GRM4: variants seen among roughly 807,000 people sequenced by gnomAD.
The protein encoded by GRM4 is glutamate metabotropic receptor 4, also known as metabotropic glutamate receptor 4.
In GRM4, 28 loss-of-function variants were observed where a neutral mutation model predicts 81.7. The ratio of observed to expected loss-of-function variants is 0.34; its 90% CI spans 0.25 to 0.47. The LOEUF (loss-of-function observed/expected upper bound fraction) is 0.47, where lower values mean the gene tolerates loss of function less well. GRM4 is among the 20% of genes least tolerant of loss of function. GRM4 has a pLI of 1.00. For synonymous variants in GRM4, 488 were observed against 528.8 expected, an observed-to-expected ratio of 0.92 and a Z score of 1.06; for missense variants, 948 against 1,290.0, an observed-to-expected ratio of 0.73 and a Z score of 4.06.
chr6:34,069,396 G>T lies in GRM4; in HGVS notation c.737-7368C>A, dbSNP rs556887088. 2.0e-5 allele frequency among the ~76,000 whole-genome samples: 3 copies of T among 152,140 alleles called. No individual in the cohort carries two copies. Among genetic ancestry groups the T allele is most frequent in the African/African-American group, 7.2e-5 (3 of 41,424 alleles). ...GGCAGCAGTGTTGTGGCCAGAGGGG[G>T]TTTCAAGGTAAGAAGGACACCAGGC... On this transcript the variant is annotated intron_variant, in intron 3 of 10. Transcript: ENST00000538487. The surrounding 1 kb of genome is among the most constrained non-coding windows in gnomAD (Gnocchi z 6.4).
Position 34,028,178 on chromosome 6 carries a change from G to A in GRM4, c.2631C>T (p.Gly877=), listed in dbSNP as rs966474721. The change falls in exon 10 of 11, where the codon GGC becomes GGT. Residue 877 remains glycine (G), a synonymous_variant. Coordinates refer to ENST00000538487, the MANE Select transcript of GRM4 (RefSeq NM_000841.4). ...TGGCCTCTCCGTTGGGCCGGAAGTT[G>A]CCCTTCTGCGTGAACTTGTTGGACA... ...ATMSNKFTQK[G]NFRPNGEAKS... 34 of 1,613,904 alleles carry A rather than the reference G, an allele frequency of 2.1e-5. No individual in the cohort carries two copies. The highest frequency in any genetic ancestry group is 8.3e-5 in the Admixed American group (5 of 60,012).
At chr6:34,032,159 C>G (rs1562010103) in intron 9 of GRM4, among the ~76,000 whole-genome samples, 1 of 152,180 alleles carries the variant, frequency 6.6e-6, no homozygotes, top group Non-Finnish European at 1.5e-5. Flanking sequence ...CACATCCATA[C>G]ACACACCAGC....
chr6:34,082,480 G>A (rs1417798962), intron 3 of GRM4, among the ~76,000 whole-genome samples: 2 of 152,106 alleles, frequency 1.3e-5, no homozygotes, highest in African/African-American at 2.4e-5. Flanking sequence ...CTGTGTTGTG[G>A]GGGACTCAGA....
chr6:34,104,714 GT>G (rs1292411621), intron 2 of GRM4, among the ~76,000 whole-genome samples: 1 of 152,152 alleles, frequency 6.6e-6, no homozygotes, highest in Non-Finnish European at 1.5e-5. Flanking sequence ...GAGAGTCCCT[GT>G]TCCAGGTGTT....
At chr6:34,061,381 G>C (rs1184372431) in intron 4 of GRM4, 1 of 152,786 alleles carries the variant, frequency 6.5e-6, no homozygotes, top group East Asian at 1.9e-4. Context: ...ACCACAGAAA[G>C]GAGGGAGGGG....
intron 2 of GRM4, among the ~76,000 whole-genome samples, chr6:34,095,966 G>A (rs772415956): frequency 1.2e-4 from 19 of 152,184 alleles, no homozygotes; most frequent in Admixed American, 4.6e-4. Flanking sequence ...AGCCCAGCCC[G>A]AGCAGGAGGG....
At chr6:34,052,400 T>C (rs1040336771) in intron 6 of GRM4, among the ~76,000 whole-genome samples, 1 of 152,202 alleles carries the variant, frequency 6.6e-6, no homozygotes, top group African/African-American at 2.4e-5. Flanking sequence ...TCAGACAGCA[T>C]TGAAGGATGA....
intron 3 of GRM4, among the ~76,000 whole-genome samples, chr6:34,067,132 A>G (rs1766508124): frequency 6.6e-6 from 1 of 152,136 alleles, no homozygotes; most frequent in South Asian, 2.1e-4. Flanking sequence ...CCCAGGCTTC[A>G]GGCATCCCCA....
At position 34,056,499 on chromosome 6, in the gene GRM4, G is replaced by A. The variant is rs375339329; in HGVS notation, c.1168+45C>T. The A allele has an allele frequency of 5.1e-6, 8 of 1,556,152 alleles. No individual in the cohort carries two copies. In the African/African-American group the frequency reaches 5.4e-5, roughly 11 times the overall value. ...AGGCCCCCAGGCTCGGCCCTCCCCG[G>A]CTCCTCCTAGAGCCCGCCCGGCCCT... On this transcript the variant is annotated intron_variant, in intron 6 of 10. Coordinates refer to ENST00000538487, the MANE Select transcript of GRM4 (RefSeq NM_000841.4).
At chr6:34,116,859 A>G (rs1020614380) in intron 2 of GRM4, among the ~76,000 whole-genome samples, 3 of 152,218 alleles carry the variant, frequency 2.0e-5, no homozygotes, top group African/African-American at 7.2e-5. Context: ...CAAACCACCA[A>G]CAGACCCAAC....
chr6:34,022,661 C>T lies in GRM4; in HGVS notation c.*160G>A. 7.7e-6 allele frequency: 5 copies of T among 652,736 alleles called. No homozygotes were observed. The highest frequency in any genetic ancestry group is 1.4e-5 in the Non-Finnish European group (5 of 366,908). The allele number at this position is 652,736 out of a possible 1,614,324, so 40.4% of individuals were successfully genotyped here. ...TGCTCACCCGGTTTGCCCAGGCTGC[C>T]AGCAGTGATGGCTGGGGGCTCTGCT... On this transcript the variant is annotated 3_prime_UTR_variant, in exon 11 of 11. Transcript: ENST00000538487. The surrounding 1 kb of genome is among the most constrained non-coding windows in gnomAD (Gnocchi z 5.6).
chr6:34,056,792 C>G (rs375489195), intron 5 of GRM4, 108 bp from the exon 6 acceptor site: 3 of 1,209,836 alleles, frequency 2.5e-6, no homozygotes, highest in Admixed American at 4.9e-5. Context: ...GGGAGAGAGA[C>G]CAGGAGGAGC....
intron 2 of GRM4, chr6:34,110,901 G>C: frequency 1.6e-6 from 2 of 1,270,082 alleles, no homozygotes; most frequent in Non-Finnish European, 2.0e-6. Flanking sequence ...GGGCAGGCTG[G>C]GAGTATGGAC....
chr6:34,141,236 G>C (rs1466792102), intron 1 of GRM4, among the ~76,000 whole-genome samples: 1 of 152,130 alleles, frequency 6.6e-6, no homozygotes, highest in East Asian at 1.9e-4. Flanking sequence ...GGCCCAGCCC[G>C]GGGAGAGCAG....
chr6:34,046,689 G>T (rs1407293910), intron 6 of GRM4, among the ~76,000 whole-genome samples: 1 of 152,200 alleles, frequency 6.6e-6, no homozygotes, highest in Non-Finnish European at 1.5e-5. Context: ...GAGTGCTGAG[G>T]GGTACGGCTG....
At position 34,091,962 on chromosome 6, in the gene GRM4, G is replaced by A; in HGVS notation, c.657C>T (p.Asn219=). The A allele has an allele frequency of 6.2e-7, 1 of 1,614,122 alleles. No homozygotes were observed. Among genetic ancestry groups the A allele is most frequent in the Non-Finnish European group, 8.5e-7 (1 of 1,179,938 alleles). The change falls in exon 3 of 11, where the codon AAC becomes AAT. Residue 219 remains asparagine, a synonymous_variant. Transcript: ENST00000538487. The stretch of plus-strand genomic sequence containing the variant: ...CCTCCGAGGCCACTGTGGACACATA[G>A]TTCCACTTGAGGGCACGGACGATGT... ...MVDIVRALKW[N]YVSTVASEGS...
chr6:34,049,838 G>A lies in GRM4; in HGVS notation c.1168+6706C>T, dbSNP rs201347179. ...CGCACCACCTCCATGACCACCACCC[G>A]CCCCAGGCCCATCATCCCCACCTGG... On this transcript the variant is annotated intron_variant, in intron 6 of 10. Transcript: ENST00000538487. Among the ~76,000 whole-genome samples, 20 of 151,752 alleles carry A rather than the reference G, an allele frequency of 1.3e-4. No individual in the cohort carries two copies. The East Asian group carries it at 1.4e-3, about 10-fold the overall frequency.
In GRM4 at chr6:34,035,894, A is replaced by G; in HGVS notation, c.2216T>C (p.Phe739Ser). The change falls in exon 9 of 11, where the codon TTC (phenylalanine) becomes TCC (serine). Residue 739 changes from phenylalanine (F) to serine (S), a missense_variant. Physicochemically the swap from Phe to Ser is radical, Grantham distance 155. Coordinates refer to ENST00000538487, the MANE Select transcript of GRM4 (RefSeq NM_000841.4). This position sits in a 1 kb window ranked among gnomAD's most constrained non-coding sequence, Gnocchi z 6.6. ...GTCACACTTGAGCACACCCCTGGCG[A>G]AGCGGGGGTCGAGTGTCCGCTGGTC... ...FQDQRTLDPR[F>S]ARGVLKCDIS... is the part of the protein sequence containing the mutation. 1 of 1,607,968 alleles carries G rather than the reference A, an allele frequency of 6.2e-7. No homozygotes were observed. Among genetic ancestry groups the G allele is most frequent in the South Asian group, 1.1e-5 (1 of 90,854 alleles).
At chr6:34,126,943 G>A (rs748435823) in intron 2 of GRM4, among the ~76,000 whole-genome samples, 3 of 152,190 alleles carry the variant, frequency 2.0e-5, no homozygotes, top group Admixed American at 2.0e-4. Context: ...CAAGTGAATC[G>A]GCATGACTGT....
Sources: allele counts gnomAD v4.1 joint callset (sites outside exome capture counted in the v4.1 genomes callset), GRCh38; gene constraint gnomAD v4.1.1; non-coding constraint Gnocchi (gnomAD v3.1); transcripts MANE v1.5; gene names NCBI Gene and HGNC (gene_info 2026-07-23, HGNC 2026-07-21).